The following DLGAP1 variants were observed in gnomAD, a reference collection of about 807,000 sequenced individuals.
DLGAP1 encodes the protein DLG associated protein 1.
In DLGAP1, 11 loss-of-function variants were observed where a neutral mutation model predicts 90.8. The ratio of observed to expected loss-of-function variants is 0.12; its 90% CI spans 0.08 to 0.20. The LOEUF is 0.20. DLGAP1 is among the 10% of genes least tolerant of loss of function. The pLI is 1.00. For synonymous variants in DLGAP1, 558 were observed against 540.7 expected, an observed-to-expected ratio of 1.03 and a Z score of -0.44; for missense variants, 1,050 against 1,333.8, an observed-to-expected ratio of 0.79 and a Z score of 3.31.
chr18:3,887,486 G>C (rs1231926872), intron 3 of DLGAP1, among the ~76,000 whole-genome samples: 1 of 152,162 alleles, frequency 6.6e-6, no homozygotes. Flanking sequence ...ATGATTTCTT[G>C]CAAGAGCAGT....
At chr18:3,995,843 A>G (rs1249296884) in intron 3 of DLGAP1, 1 of 152,020 alleles carries the variant, frequency 6.6e-6, no homozygotes, top group African/African-American at 2.4e-5. Context: ...TTATTTATTT[A>G]TTTATCCCAA....
In DLGAP1 at chr18:3,502,508, A is replaced by G; in HGVS notation, c.2709T>C (p.Asp903=). The G allele has an allele frequency of 6.2e-7, 1 of 1,614,154 alleles. No homozygotes were observed. The highest frequency in any genetic ancestry group is 8.5e-7 in the Non-Finnish European group (1 of 1,180,018). ...QLKANNWKQM[D]PLDKKERRAP... ...ATTGTTCTACCTTCTTGTCAAGAGG[A>G]TCCATCTGTTTCCAATTATTGGCCT... The change falls in exon 12 of 13, where the codon GAT becomes GAC. Residue 903 remains aspartate (D), a synonymous_variant. Coordinates refer to ENST00000315677, the MANE Select transcript of DLGAP1 (RefSeq NM_004746.4).
chr18:4,134,823 G>A (rs914416993), intron 2 of DLGAP1, among the ~76,000 whole-genome samples: 2 of 151,966 alleles, frequency 1.3e-5, no homozygotes, highest in Non-Finnish European at 2.9e-5. Flanking sequence ...TAAAGAGGGC[G>A]ATACTGCTGA....
At chr18:4,246,207 T>C (rs2078650026) in intron 1 of DLGAP1, among the ~76,000 whole-genome samples, 2 of 152,150 alleles carry the variant, frequency 1.3e-5, no homozygotes, top group South Asian at 4.1e-4. Flanking sequence ...TTAGGTTTTA[T>C]GAAGTTCTTA....
At chr18:3,961,147 A>C (rs2073189969) in intron 3 of DLGAP1, among the ~76,000 whole-genome samples, 1 of 151,986 alleles carries the variant, frequency 6.6e-6, no homozygotes, top group South Asian at 2.1e-4. Context: ...ACAGAGAGGG[A>C]AGACAGAAGG....
rs558598498 is a variant in DLGAP1, at chr18:3,879,472, C to T, written c.597G>A (p.Pro199=). 7.3e-5 allele frequency: 118 copies of T among 1,605,680 alleles called. 1 individual carries two copies. The South Asian group carries it at 7.7e-4, about 10-fold the overall frequency. Reference sequence around the variant, plus strand: ...GGTTGTCGTCCGAGCTCCACCAGCCCGGGGAGGTGCTGGGCCGGGCCTTGG... The same window carrying T: ...GGTTGTCGTCCGAGCTCCACCAGCCTGGGGAGGTGCTGGGCCGGGCCTTGG... ...AEPKARPSTS[P]GWWSSDDNLD... The change falls in exon 4 of 13, where the codon CCG becomes CCA. Residue 199 remains proline, a synonymous_variant. Transcript: ENST00000315677. This position sits in a 1 kb window ranked among gnomAD's most constrained non-coding sequence, Gnocchi z 6.6.
chr18:3,954,938 G>A (rs1037507338), intron 3 of DLGAP1, among the ~76,000 whole-genome samples: 3 of 152,176 alleles, frequency 2.0e-5, no homozygotes, highest in Admixed American at 2.0e-4. Flanking sequence ...GAATTTAGAA[G>A]ACAGGGAGGA....
chr18:4,304,294 TTTATG>T (rs1434357821), intron 1 of DLGAP1, among the ~76,000 whole-genome samples: 1 of 152,220 alleles, frequency 6.6e-6, no homozygotes, highest in Non-Finnish European at 1.5e-5. Context: ...AATAGTAAAT[TTTATG>T]TTATGTATAC....
chr18:3,597,456 G>GT, intron 7 of DLGAP1: 1 of 357,140 alleles, frequency 2.8e-6, no homozygotes, highest in Non-Finnish European at 5.4e-6. Flanking sequence ...TCTTGCTTCA[G>GT]TAAGTGGGGT....
intron 10 of DLGAP1, among the ~76,000 whole-genome samples, chr18:3,530,543 G>A (rs539847287): frequency 3.3e-5 from 5 of 152,198 alleles, no homozygotes; most frequent in East Asian, 1.9e-4. Context: ...GCAGTGGCAC[G>A]GGATGTCATT....
rs2083904076 is a variant in DLGAP1, at chr18:4,454,037, C to A, written c.-267+969G>T. Among the ~76,000 whole-genome samples the A allele has an allele frequency of 6.6e-6, 1 of 152,204 alleles. No homozygotes were observed. Among genetic ancestry groups the A allele is most frequent in the Non-Finnish European group, 1.5e-5 (1 of 68,036 alleles). ...GGCGAGCGCGGCACTCGGACACAGG[C>A]ACTCAGTGTCTCCGGCGCCGGCAGC... is the stretch of plus-strand genomic sequence containing the variant. On this transcript the variant is annotated intron_variant, in intron 1 of 12. Transcript: ENST00000315677. The surrounding 1 kb of genome is among the most constrained non-coding windows in gnomAD (Gnocchi z 4.7).
At chr18:4,165,750 T>G (rs2076922270) in intron 1 of DLGAP1, among the ~76,000 whole-genome samples, 2 of 152,190 alleles carry the variant, frequency 1.3e-5, no homozygotes, top group African/African-American at 4.8e-5. Context: ...ATATGTATAT[T>G]GAAATATCCA....
chr18:3,827,265 G>A (rs1280569534), intron 4 of DLGAP1, among the ~76,000 whole-genome samples: 3 of 152,034 alleles, frequency 2.0e-5, no homozygotes, highest in Non-Finnish European at 4.4e-5. Flanking sequence ...AGAGAGAAAT[G>A]GTCCAAGAGC....
intron 3 of DLGAP1, among the ~76,000 whole-genome samples, chr18:3,919,132 C>G (rs969703619): frequency 6.6e-6 from 1 of 152,188 alleles, no homozygotes; most frequent in Non-Finnish European, 1.5e-5. Context: ...ATGGCTTTGA[C>G]CTTTTTCTGG....
intron 1 of DLGAP1, among the ~76,000 whole-genome samples, chr18:4,175,670 A>T (rs2077095635): frequency 2.0e-5 from 3 of 152,222 alleles, no homozygotes; most frequent in Admixed American, 2.0e-4. Flanking sequence ...TTTATTGAAT[A>T]GGAGATCCTT....
At chr18:3,562,079 T>A (rs1442183317) in intron 9 of DLGAP1, among the ~76,000 whole-genome samples, 1 of 151,612 alleles carries the variant, frequency 6.6e-6, no homozygotes, top group Non-Finnish European at 1.5e-5. Flanking sequence ...ATATAAAAAT[T>A]AGCAAGGCGT....
At chr18:4,174,773 C>T (rs988216698) in intron 1 of DLGAP1, among the ~76,000 whole-genome samples, 1 of 152,208 alleles carries the variant, frequency 6.6e-6, no homozygotes, top group Non-Finnish European at 1.5e-5. Flanking sequence ...CTGCCACCCC[C>T]CAACTGGCCC....
chr18:4,317,073 C>G (rs1354945264), intron 1 of DLGAP1, among the ~76,000 whole-genome samples: 1 of 152,116 alleles, frequency 6.6e-6, no homozygotes, highest in African/African-American at 2.4e-5. Flanking sequence ...TGTCACTGGC[C>G]TATTTTGAAA....
chr18:3,716,239 G>A (rs1322982078), intron 7 of DLGAP1, among the ~76,000 whole-genome samples: 1 of 152,190 alleles, frequency 6.6e-6, no homozygotes, highest in Non-Finnish European at 1.5e-5. Context: ...TGAAACACTA[G>A]CTATTTCTTT....
Sources: gnomAD v4.1 joint callset for allele counts (sites outside exome capture counted in the v4.1 genomes callset) on GRCh38, gnomAD v4.1.1 for gene constraint, Gnocchi (gnomAD v3.1) non-coding constraint, MANE v1.5 for transcripts, NCBI Gene and HGNC (gene_info 2026-07-23, HGNC 2026-07-21) for gene names.